Variants in ACTG2 observed in about 807,000 individuals in gnomAD.
ACTG2 encodes the protein actin gamma 2, smooth muscle.
A neutral mutation model predicts 37.6 loss-of-function variants in ACTG2; 16 were observed. The observed-to-expected ratio is 0.43, with a 90% CI of 0.29 to 0.65. The LOEUF (loss-of-function observed/expected upper bound fraction) is 0.65. Ranked by LOEUF, ACTG2 falls within the 30% of genes least tolerant of loss-of-function variation. ACTG2 has a pLI of 0.18. For missense variants in ACTG2, 238 were observed against 490.9 expected (o/e 0.48, Z 4.87); for synonymous variants, 181 against 179.9 (o/e 1.01, Z -0.05).
chr2:73,909,577 A>G (rs1680085524), intron 5 of ACTG2, among the ~76,000 whole-genome samples: 1 of 152,210 alleles, frequency 6.6e-6, no homozygotes, highest in African/African-American at 2.4e-5. Context: ...TAGACGCTGT[A>G]GCCTACTACA....
At chr2:73,907,933 C>G (rs1404417220) in intron 3 of ACTG2, among the ~76,000 whole-genome samples, 1 of 152,158 alleles carries the variant, frequency 6.6e-6, no homozygotes, top group African/African-American at 2.4e-5. Flanking sequence ...GAAAATTGAG[C>G]CCAAGTGCCT....
At chr2:73,902,882 G>C (rs1388774824) in intron 3 of ACTG2, 1 of 1,062,842 alleles carries the variant, frequency 9.4e-7, no homozygotes. Context: ...TGATCCCCGC[G>C]ATCATCTTTT....
chr2:73,893,828 T>C (rs1471543320), intron 1 of ACTG2, among the ~76,000 whole-genome samples: 1 of 152,020 alleles, frequency 6.6e-6, no homozygotes, highest in Non-Finnish European at 1.5e-5. Flanking sequence ...ACACAACACA[T>C]GCACAAAGAA....
chr2:73,913,701 A>G, intron 6 of ACTG2, 55 bp downstream of exon 6: 1 of 1,486,018 alleles, frequency 6.7e-7, no homozygotes, highest in Non-Finnish European at 9.2e-7. Flanking sequence ...CTGGTTTAGG[A>G]CAAGAAGTTC....
At chr2:73,914,537 T>A in intron 6 of ACTG2, 143 bp from the exon 7 acceptor site, 1 of 601,150 alleles carries the variant, frequency 1.7e-6, no homozygotes, top group Non-Finnish European at 2.5e-6. Context: ...TCAGTCTGGG[T>A]GACAGAGTGA....
At chr2:73,893,308 G>A (rs1410458393) in intron 1 of ACTG2, among the ~76,000 whole-genome samples, 1 of 152,200 alleles carries the variant, frequency 6.6e-6, no homozygotes, top group Non-Finnish European at 1.5e-5. Flanking sequence ...GGGATATAAT[G>A]CCTGCAGTCT....
chr2:73,901,797 A>C, intron 2 of ACTG2: 1 of 260,152 alleles, frequency 3.8e-6, no homozygotes, highest in Non-Finnish European at 7.2e-6. Flanking sequence ...TATGGGATTG[A>C]ACAAGCCTCT....
At chr2:73,895,839 A>C (rs1447206486) in intron 1 of ACTG2, among the ~76,000 whole-genome samples, 1 of 152,118 alleles carries the variant, frequency 6.6e-6, no homozygotes, top group African/African-American at 2.4e-5. Flanking sequence ...CCGGATAGTA[A>C]ATATTTTAGG....
intron 7 of ACTG2, among the ~76,000 whole-genome samples, chr2:73,916,332 G>A (rs954544555): frequency 7.3e-5 from 11 of 150,172 alleles, no homozygotes; most frequent in South Asian, 6.3e-4. Flanking sequence ...CTGAGATCGC[G>A]CCACTGCACT....
At chr2:73,901,826 A>G (rs1679891723) in intron 2 of ACTG2, 1 of 214,768 alleles carries the variant, frequency 4.7e-6, no homozygotes, top group Non-Finnish European at 9.1e-6. Flanking sequence ...AGAAATTTAC[A>G]CTTTGTGAAG....
chr2:73,914,558 CAAAAAAAAAAA>C, intron 6 of ACTG2, 111 bp from the exon 7 acceptor site: 58 of 512,278 alleles, frequency 1.1e-4, no homozygotes, highest in South Asian at 2.2e-4. Flanking sequence ...GACTCTGTCT[CAAAAAAAAAAA>C]AAAAAAAAGA....
chr2:73,911,547 T>C (rs2264650), intron 5 of ACTG2, among the ~76,000 whole-genome samples: 92,150 of 152,062 alleles, frequency 0.61, 28,824 homozygotes, highest in Admixed American at 0.72. Context: ...GTACCATAGT[T>C]GTTTATTATC....
At chr2:73,914,274 G>A (rs565403734) in intron 6 of ACTG2, among the ~76,000 whole-genome samples, 21 of 152,140 alleles carry the variant, frequency 1.4e-4, no homozygotes, top group African/African-American at 5.1e-4. Context: ...TAAAGTAGAC[G>A]TGAGGCCAGG....
At chr2:73,914,934 A>G (rs1558628869) in intron 7 of ACTG2, 63 bp downstream of exon 7, 6 of 1,355,598 alleles carry the variant, frequency 4.4e-6, no homozygotes, top group Non-Finnish European at 5.8e-6. Context: ...TGGGTGAGGT[A>G]TGGAGAGAGA....
At position 73,919,676 on chromosome 2, in the gene ACTG2, T is replaced by C; in HGVS notation, c.*101T>C. On this transcript the variant is annotated 3_prime_UTR_variant, in exon 9 of 9. Coordinates refer to ENST00000345517, the MANE Select transcript of ACTG2 (RefSeq NM_001615.4). ...TTACTTCTCTGTGTGGGGCTCTTTT[T>C]TCCTGGGCTATGTCTCATACACAGT... 1 of 1,364,994 alleles carries C rather than the reference T, an allele frequency of 7.3e-7. No individual in the cohort carries two copies. The highest frequency in any genetic ancestry group is 1.4e-5 in the South Asian group (1 of 71,548). The allele number at this position is 1,364,994 out of a possible 1,614,324, so 84.6% of individuals were successfully genotyped here. A position where few individuals can be genotyped will look rare whatever the true frequency, so the allele number is the denominator to read the frequency against.
At position 73,911,935 on chromosome 2, in the gene ACTG2, T is replaced by C. The variant is rs184088598; in HGVS notation, c.452-1550T>C. 3.9e-5 allele frequency among the ~76,000 whole-genome samples: 6 copies of C among 152,386 alleles called. No homozygotes were observed. The East Asian group carries it at 1.2e-3, about 29-fold the overall frequency. On this transcript the variant is annotated intron_variant, in intron 5 of 8. Coordinates refer to ENST00000345517, the MANE Select transcript of ACTG2 (RefSeq NM_001615.4). ...ATTTATTCACTGATTTATCCATTCA[T>C]TCATCCATCATATATTTTCCATTAC...
Position 73,900,710 on chromosome 2 carries a change from C to A in ACTG2, c.-36-566C>A, listed in dbSNP as rs149139171. 2.0e-4 allele frequency among the ~76,000 whole-genome samples: 31 copies of A among 152,310 alleles called. 1 individual carries two copies. In the East Asian group the frequency reaches 6.0e-3, roughly 29 times the overall value. The stretch of plus-strand genomic sequence containing the variant: ...GATTTTTAATTATATAAACTATATG[C>A]AAATGCAGCCTCCTTGTAAAAAAAT... On this transcript the variant is annotated intron_variant, in intron 1 of 8. Transcript: ENST00000345517.
At chr2:73,901,785 T>C (rs1679890643) in intron 2 of ACTG2, 2 of 275,794 alleles carry the variant, frequency 7.3e-6, no homozygotes, top group Non-Finnish European at 6.7e-6. Context: ...AAAGTTAATT[T>C]ATATGGGATT....
At chr2:73,907,094 T>C (rs762647566) in intron 3 of ACTG2, among the ~76,000 whole-genome samples, 4 of 152,254 alleles carry the variant, frequency 2.6e-5, no homozygotes, top group Non-Finnish European at 5.9e-5. Context: ...GACCTTCTTT[T>C]GCCCTCAAGG....
Sources: gnomAD v4.1 joint callset for allele counts (sites outside exome capture counted in the v4.1 genomes callset) on GRCh38, gnomAD v4.1.1 for gene constraint, MANE v1.5 for transcripts, NCBI Gene and HGNC (gene_info 2026-07-23, HGNC 2026-07-21) for gene names.